The following RAB1B variants were observed in gnomAD, a reference collection of about 807,000 sequenced individuals.
RAB1B encodes the protein RAB1B, member RAS oncogene family.
In RAB1B, 10 loss-of-function variants were observed where a neutral mutation model predicts 24.8. That is an observed-to-expected ratio of 0.40 (90% CI 0.25 to 0.68). RAB1B has a LOEUF of 0.68. Ranked by LOEUF, RAB1B falls within the 30% of genes least tolerant of loss-of-function variation. RAB1B has a pLI of 0.37. For missense variants in RAB1B, 154 were observed against 271.2 expected (o/e 0.57, Z 3.04); for synonymous variants, 99 against 111.7 (o/e 0.89, Z 0.72).
intron 4 of RAB1B, among the ~76,000 whole-genome samples, chr11:66,274,829 A>G (rs1249246613): frequency 8.7e-6 from 1 of 114,724 alleles, no homozygotes; most frequent in African/African-American, 3.3e-5. Context: ...ATTTCCTCCC[A>G]TTCCCCAGAC....
chr11:66,271,671 T>TAA, intron 1 of RAB1B, 126 bp from the exon 2 acceptor site: 11 of 569,320 alleles, frequency 1.9e-5, no homozygotes, highest in Non-Finnish European at 3.4e-5. Flanking sequence ...ACCTTATTGC[T>TAA]AAAAAAAAAA....
At chr11:66,271,972 G>T (rs1027228608) in intron 2 of RAB1B, 103 bp downstream of exon 2, 6 of 1,066,836 alleles carry the variant, frequency 5.6e-6, no homozygotes, top group Non-Finnish European at 7.3e-6. Flanking sequence ...TGGGAACCAG[G>T]GGTGAAGCTG....
intron 1 of RAB1B, chr11:66,270,241 TGTTGTTGTTGTTG>T (rs1465655164): frequency 9.6e-3 from 6 of 624 alleles, no homozygotes; most frequent in Non-Finnish European, 0.026. Context: ...TTTTTGTTGT[TGTTGTTGTTGTTG>T]TTGTTGTTGT....
intron 1 of RAB1B, chr11:66,269,856 A>G (rs975830969): frequency 2.6e-5 from 4 of 152,038 alleles, no homozygotes; most frequent in African/African-American, 9.7e-5. Context: ...AAGTATATTA[A>G]ATGTGATTAC....
In RAB1B at chr11:66,276,281, A is replaced by G. The variant is rs1857144162; in HGVS notation, c.*43A>G. ...GGACAGGAGGGGGCACCTTCTCCAG[A>G]TGATGTCCCTGGAGGGGGCAGGAGG... is the stretch of plus-strand genomic sequence containing the variant. On this transcript the variant is annotated 3_prime_UTR_variant, in exon 6 of 6. Coordinates refer to ENST00000311481, the MANE Select transcript of RAB1B (RefSeq NM_030981.3). 6.6e-7 allele frequency: 1 copy of G among 1,505,486 alleles called. No homozygotes were observed. The highest frequency in any genetic ancestry group is 8.9e-7 in the Non-Finnish European group (1 of 1,127,504). The allele number at this position is 1,505,486 out of a possible 1,614,324, so 93.3% of individuals were successfully genotyped here.
chr11:66,274,305 T>G (rs1857107360), intron 4 of RAB1B, among the ~76,000 whole-genome samples: 1 of 152,216 alleles, frequency 6.6e-6, no homozygotes, highest in African/African-American at 2.4e-5. Context: ...TCTTGCCAAT[T>G]AAGCACTTGT....
chr11:66,269,351 C>T (rs1857012994), intron 1 of RAB1B, among the ~76,000 whole-genome samples: 1 of 152,188 alleles, frequency 6.6e-6, no homozygotes, highest in Non-Finnish European at 1.5e-5. Flanking sequence ...CACCCCTTCC[C>T]TTGGCTGTCA....
chr11:66,271,943 G>A, intron 2 of RAB1B, 74 bp downstream of exon 2: 2 of 1,255,910 alleles, frequency 1.6e-6, no homozygotes, highest in Non-Finnish European at 1.2e-6. Flanking sequence ...ACAACACAGA[G>A]CACAGTAGTT....
intron 4 of RAB1B, among the ~76,000 whole-genome samples, chr11:66,272,901 A>G (rs888128117): frequency 4.6e-5 from 7 of 152,210 alleles, no homozygotes; most frequent in African/African-American, 9.6e-5. Flanking sequence ...TCTGGGCCCA[A>G]TGTGAGCAGA....
chr11:66,273,661 T>G (rs1857097210), intron 4 of RAB1B, among the ~76,000 whole-genome samples: 1 of 152,210 alleles, frequency 6.6e-6, no homozygotes, highest in Non-Finnish European at 1.5e-5. Flanking sequence ...TTCCTGCATC[T>G]AACAGCCGTG....
intron 1 of RAB1B, chr11:66,270,072 G>C (rs901976173): frequency 1.3e-5 from 2 of 151,988 alleles, no homozygotes; most frequent in Non-Finnish European, 2.9e-5. Flanking sequence ...ACAGGGTCTC[G>C]ATATGTTTCC....
At chr11:66,274,094 T>C (rs1488683008) in intron 4 of RAB1B, among the ~76,000 whole-genome samples, 4 of 152,080 alleles carry the variant, frequency 2.6e-5, no homozygotes, top group African/African-American at 9.7e-5. Context: ...CCTGCTTCAG[T>C]CTCCTAAGTC....
chr11:66,271,967 AC>A (rs1857066631), intron 2 of RAB1B, 98 bp downstream of exon 2: 3 of 1,097,896 alleles, frequency 2.7e-6, no homozygotes, highest in Admixed American at 3.4e-5. Flanking sequence ...AGATCTGGGA[AC>A]CAGGGGTGAA....
intron 2 of RAB1B, 134 bp from the exon 3 acceptor site, chr11:66,272,023 G>A: frequency 1.1e-6 from 1 of 949,050 alleles, no homozygotes; most frequent in South Asian, 1.3e-5. Context: ...ACAAGACAGG[G>A]CTGGCCAGCT....
intron 4 of RAB1B, among the ~76,000 whole-genome samples, chr11:66,273,668 C>T (rs545653670): frequency 2.6e-5 from 4 of 152,300 alleles, no homozygotes; most frequent in South Asian, 4.1e-4. Flanking sequence ...ATCTAACAGC[C>T]GTGGCTGTGG....
At chr11:66,273,925 G>A (rs1017161839) in intron 4 of RAB1B, among the ~76,000 whole-genome samples, 5 of 152,080 alleles carry the variant, frequency 3.3e-5, no homozygotes, top group Non-Finnish European at 5.9e-5. Flanking sequence ...GATGTCCAGC[G>A]CTGGCCTCAC....
chr11:66,274,883 C>G (rs1857117250), intron 4 of RAB1B, among the ~76,000 whole-genome samples: 1 of 151,862 alleles, frequency 6.6e-6, no homozygotes, highest in African/African-American at 2.4e-5. Flanking sequence ...ATGCTGGCTC[C>G]CCAGCTGGCA....
At position 66,268,688 on chromosome 11, in the gene RAB1B, C is replaced by G. The variant is rs1267336357; in HGVS notation, c.9C>G (p.Pro3=). The change falls in exon 1 of 6, where the codon CCC becomes CCG. Residue 3 remains proline (P), a synonymous_variant. Coordinates refer to ENST00000311481, the MANE Select transcript of RAB1B (RefSeq NM_030981.3). ...GGGCCGCCGCCGCCGCCATGAACCC[C>G]GAATAGTGAGTGAGCCCCGCCCGCG... MN[P]EYDYLFKLLL... 2 of 1,570,676 alleles carry G rather than the reference C, an allele frequency of 1.3e-6. No homozygotes were observed. The highest frequency in any genetic ancestry group is 1.4e-5 in the African/African-American group (1 of 73,874).
At chr11:66,269,168 T>C (rs1258659370) in intron 1 of RAB1B, among the ~76,000 whole-genome samples, 2 of 152,080 alleles carry the variant, frequency 1.3e-5, no homozygotes, top group Non-Finnish European at 2.9e-5. Context: ...GCCCAGAAGC[T>C]AGCCAACTAC....
Sources: gnomAD v4.1 joint callset for allele counts (sites outside exome capture counted in the v4.1 genomes callset) on GRCh38, gnomAD v4.1.1 for gene constraint, MANE v1.5 for transcripts, NCBI Gene and HGNC (gene_info 2026-07-23, HGNC 2026-07-21) for gene names.